The following EXOC4 variants were observed in gnomAD, a reference collection of about 807,000 sequenced individuals.
EXOC4 encodes the protein exocyst complex component 4.
In EXOC4, 71 loss-of-function variants were observed where a neutral mutation model predicts 107.2. The observed-to-expected ratio is 0.66, with a 90% confidence interval of 0.55 to 0.81. EXOC4 has a LOEUF of 0.81. Ranked by LOEUF, EXOC4 falls within the 30% of genes least tolerant of loss-of-function variation. The pLI is 0.00. For missense variants in EXOC4, 1,108 were observed against 1,189.6 expected, an observed-to-expected ratio of 0.93 and a Z score of 1.01; for synonymous variants, 456 against 441.2, an observed-to-expected ratio of 1.03 and a Z score of -0.42.
intron 6 of EXOC4, among the ~76,000 whole-genome samples, chr7:133,363,454 A>G (rs1796176357): frequency 6.6e-6 from 1 of 152,184 alleles, no homozygotes; most frequent in African/African-American, 2.4e-5. Context: ...AATAATGTTC[A>G]TAGTTCTTTT....
At chr7:133,995,010 G>A (rs1794354054) in intron 14 of EXOC4, among the ~76,000 whole-genome samples, 1 of 152,112 alleles carries the variant, frequency 6.6e-6, no homozygotes, top group Non-Finnish European at 1.5e-5. Context: ...TTCTAGTAGA[G>A]CTCTGGGCAT....
chr7:133,353,867 AT>A (rs942238722), intron 5 of EXOC4, among the ~76,000 whole-genome samples: 1 of 150,150 alleles, frequency 6.7e-6, no homozygotes, highest in African/African-American at 2.5e-5. Context: ...ACGTTTGCTG[AT>A]TTTTTTTCTT....
At chr7:133,504,957 T>C (rs1799641270) in intron 9 of EXOC4, among the ~76,000 whole-genome samples, 1 of 152,088 alleles carries the variant, frequency 6.6e-6, no homozygotes, top group Non-Finnish European at 1.5e-5. Flanking sequence ...AAATGAAATA[T>C]GGAAACCTCA....
At chr7:134,007,322 A>G (rs1794664673) in intron 16 of EXOC4, among the ~76,000 whole-genome samples, 1 of 152,102 alleles carries the variant, frequency 6.6e-6, no homozygotes, top group Non-Finnish European at 1.5e-5. Flanking sequence ...CTGCTTCCCA[A>G]TTGTGTATAA....
chr7:133,705,267 T>A (rs1794744713), intron 10 of EXOC4, among the ~76,000 whole-genome samples: 1 of 152,136 alleles, frequency 6.6e-6, no homozygotes, highest in Admixed American at 6.5e-5. Flanking sequence ...TTCAGGAGTC[T>A]AAGGCAGGAG....
At chr7:133,567,641 G>A (rs1045925467) in intron 9 of EXOC4, among the ~76,000 whole-genome samples, 2 of 152,110 alleles carry the variant, frequency 1.3e-5, no homozygotes, top group African/African-American at 2.4e-5. Flanking sequence ...GAATATCATA[G>A]ACTGGATAAT....
intron 1 of EXOC4, among the ~76,000 whole-genome samples, chr7:133,259,439 C>G (rs1464044517): frequency 6.6e-6 from 1 of 151,974 alleles, no homozygotes; most frequent in Non-Finnish European, 1.5e-5. Flanking sequence ...GTTGGCCAGG[C>G]TGGTCTCAAA....
intron 10 of EXOC4, among the ~76,000 whole-genome samples, chr7:133,673,230 T>A (rs548092067): frequency 1.3e-5 from 2 of 152,250 alleles, no homozygotes; most frequent in South Asian, 4.2e-4. Context: ...CTTAAAGGAG[T>A]ACTTAAAGGG....
chr7:133,603,648 G>C (rs1003392827), intron 9 of EXOC4, among the ~76,000 whole-genome samples: 1 of 152,128 alleles, frequency 6.6e-6, no homozygotes, highest in East Asian at 1.9e-4. Context: ...ACATAGAAAA[G>C]CTACAGTAAA....
At chr7:133,888,664 A>G (rs1369653363) in intron 11 of EXOC4, among the ~76,000 whole-genome samples, 3 of 152,158 alleles carry the variant, frequency 2.0e-5, no homozygotes, top group African/African-American at 7.2e-5. Context: ...GTTTTAAAAT[A>G]TGTCTGAGTG....
chr7:133,871,338 G>A (rs1465258425), intron 11 of EXOC4, among the ~76,000 whole-genome samples: 1 of 151,384 alleles, frequency 6.6e-6, no homozygotes, highest in African/African-American at 2.4e-5. Context: ...CACAAACCAG[G>A]ACCCCTCCAT....
At chr7:134,043,881 C>G (rs1309211523) in intron 17 of EXOC4, among the ~76,000 whole-genome samples, 1 of 152,142 alleles carries the variant, frequency 6.6e-6, no homozygotes, top group Non-Finnish European at 1.5e-5. Flanking sequence ...TCTTCCTCAT[C>G]TTTTCCCTCA....
intron 7 of EXOC4, among the ~76,000 whole-genome samples, chr7:133,447,677 TAAAGA>T (rs1798250056): frequency 6.6e-6 from 1 of 152,024 alleles, no homozygotes. Context: ...AGAAAACTTA[TAAAGA>T]AGATTTAAAA....
intron 7 of EXOC4, among the ~76,000 whole-genome samples, chr7:133,393,375 G>T (rs566610609): frequency 1.2e-4 from 19 of 152,228 alleles, no homozygotes; most frequent in African/African-American, 4.6e-4. Flanking sequence ...TATGGTGCCT[G>T]TCTCTTCCCC....
chr7:134,051,094 G>T lies in EXOC4; in HGVS notation c.2688-13197G>T, dbSNP rs1409993179. ...TGAGATTTTGAGGTTTTGCAAGCTA[G>T]TTCCGTTAAGCAAAATTCAGTGGCT... On this transcript the variant is annotated intron_variant, in intron 17 of 17. Transcript: ENST00000253861. Among the ~76,000 whole-genome samples, 3 of 152,336 alleles carry T rather than the reference G, an allele frequency of 2.0e-5. No homozygotes were observed. In the East Asian group the frequency reaches 5.8e-4, roughly 29 times the overall value.
intron 10 of EXOC4, among the ~76,000 whole-genome samples, chr7:133,774,013 C>T (rs558283456): frequency 3.9e-5 from 6 of 152,028 alleles, no homozygotes; most frequent in South Asian, 2.1e-4. Context: ...TTTCAAAACA[C>T]GTAGCTGGGA....
intron 7 of EXOC4, among the ~76,000 whole-genome samples, chr7:133,380,115 G>A (rs573337251): frequency 9.0e-4 from 136 of 151,930 alleles, no homozygotes; most frequent in Admixed American, 1.3e-3. Flanking sequence ...GGGAGGGATA[G>A]CATTAGGAGA....
chr7:133,801,653 A>G (rs532094437), intron 10 of EXOC4, among the ~76,000 whole-genome samples: 8 of 152,336 alleles, frequency 5.3e-5, no homozygotes, highest in African/African-American at 1.7e-4. Context: ...CAGGTTACAG[A>G]GAAACCCACA....
rs768480515 is a variant in EXOC4, at chr7:133,630,073, T to G, written c.1446T>G (p.Gly482=). The part of the protein sequence containing the change: ...QGGPDDNLIE[G]GGTKFVCKPG... ...GTCCTGATGACAACTTAATTGAAGG[T>G]GGAGGAACAAAATTTGTCTGCAAAC... is the stretch of plus-strand genomic sequence containing the variant. The change falls in exon 10 of 18, where the codon GGT becomes GGG. Residue 482 remains glycine, a synonymous_variant. Coordinates refer to ENST00000253861, the MANE Select transcript of EXOC4 (RefSeq NM_021807.4). 3 of 1,613,886 alleles carry G rather than the reference T, an allele frequency of 1.9e-6. No homozygotes were observed. The Admixed American group carries it at 5.0e-5, about 27-fold the overall frequency.
Sources: allele counts gnomAD v4.1 joint callset (sites outside exome capture counted in the v4.1 genomes callset), GRCh38; gene constraint gnomAD v4.1.1; transcripts MANE v1.5; gene names NCBI Gene and HGNC (gene_info 2026-07-23, HGNC 2026-07-21).